ELP3: variants seen among roughly 807,000 people sequenced by gnomAD.
The protein encoded by ELP3 is elongator complex protein 3.
A neutral mutation model predicts 74.9 loss-of-function variants in ELP3; 56 were observed. That is an observed-to-expected ratio of 0.75 (90% CI 0.60 to 0.93). The LOEUF is 0.93. Among genes scored for constraint, ELP3 ranks in the 40% least tolerant of loss-of-function variants. The pLI is 0.00. For missense variants in ELP3, 573 were observed against 686.5 expected, an observed-to-expected ratio of 0.83 and a Z score of 1.85; for synonymous variants, 222 against 239.8, an observed-to-expected ratio of 0.93 and a Z score of 0.68.
At position 28,130,201 on chromosome 8, in the gene ELP3, C is replaced by T. The variant is rs146405816; in HGVS notation, c.779+538C>T. On this transcript the variant is annotated intron_variant, in intron 8 of 14. Transcript: ENST00000256398. ...CTTTTAGTTGAAAAGAAAATACCCG[C>T]GAAAGGTTAACTGTATAAGGAACTT... 9.1e-4 allele frequency among the ~76,000 whole-genome samples: 139 copies of T among 152,156 alleles called. 2 individuals are homozygous for T. The East Asian group carries it at 0.025, about 27-fold the overall frequency.
chr8:28,128,138 T>A (rs1029499399), intron 7 of ELP3, among the ~76,000 whole-genome samples: 1 of 152,128 alleles, frequency 6.6e-6, no homozygotes, highest in Non-Finnish European at 1.5e-5. Flanking sequence ...ATTGAGAACA[T>A]TGTAGAAGGG....
At chr8:28,170,161 CAG>C (rs1033531098) in intron 14 of ELP3, among the ~76,000 whole-genome samples, 3 of 152,176 alleles carry the variant, frequency 2.0e-5, no homozygotes, top group Non-Finnish European at 4.4e-5. Flanking sequence ...TTCTGTTGGT[CAG>C]AGTCACTGGG....
intron 14 of ELP3, among the ~76,000 whole-genome samples, chr8:28,163,575 G>A (rs895033204): frequency 1.0e-5 from 1 of 98,844 alleles, no homozygotes. Context: ...TTTTTTTTCT[G>A]TTATCTTTCA....
At chr8:28,110,669 G>GT (rs956145382) in intron 6 of ELP3, 125 of 393,170 alleles carry the variant, frequency 3.2e-4, no homozygotes, top group Non-Finnish European at 5.4e-5. Context: ...TATTCTCTAA[G>GT]TTTTTTTGAA....
intron 7 of ELP3, among the ~76,000 whole-genome samples, chr8:28,127,137 G>A (rs1352931581): frequency 3.3e-5 from 5 of 152,204 alleles, no homozygotes; most frequent in African/African-American, 1.2e-4. Flanking sequence ...TTGAGAATAA[G>A]GTTTCCTTCT....
chr8:28,182,043 T>C (rs1223205409), intron 14 of ELP3, among the ~76,000 whole-genome samples: 1 of 152,202 alleles, frequency 6.6e-6, no homozygotes, highest in Non-Finnish European at 1.5e-5. Flanking sequence ...TGATTTGTGA[T>C]TTATTTTCCC....
At chr8:28,152,584 T>C (rs1025551877) in intron 10 of ELP3, among the ~76,000 whole-genome samples, 2 of 152,174 alleles carry the variant, frequency 1.3e-5, no homozygotes, top group Non-Finnish European at 2.9e-5. Flanking sequence ...GGCAGGTGGA[T>C]CACCTGAGGT....
At chr8:28,149,908 T>C (rs1391397793) in intron 10 of ELP3, among the ~76,000 whole-genome samples, 3 of 152,222 alleles carry the variant, frequency 2.0e-5, no homozygotes, top group African/African-American at 7.2e-5. Context: ...TTATGTATTA[T>C]TCCATTTTCT....
chr8:28,099,996 A>T, intron 3 of ELP3, 30 bp downstream of exon 3: 1 of 1,613,854 alleles, frequency 6.2e-7, no homozygotes, highest in Non-Finnish European at 8.5e-7. Context: ...AGGTATCGAC[A>T]CACTGGGTAT....
In ELP3 at chr8:28,107,163, G is replaced by A. The variant is rs144207400; in HGVS notation, c.329+380G>A. 4.1e-4 allele frequency among the ~76,000 whole-genome samples: 63 copies of A among 152,292 alleles called. 2 individuals are homozygous for A. In the East Asian group the frequency reaches 0.01, roughly 24 times the overall value. On this transcript the variant is annotated intron_variant, in intron 4 of 14. Coordinates refer to ENST00000256398, the MANE Select transcript of ELP3 (RefSeq NM_018091.6). ...CTTAGGAGGCTGAGGCAGGAGAATC[G>A]TTTAAACCTGGGAGGTGGAGGTTGC... is the stretch of plus-strand genomic sequence containing the variant.
chr8:28,137,387 T>C (rs978551615), intron 9 of ELP3, among the ~76,000 whole-genome samples: 2 of 152,130 alleles, frequency 1.3e-5, no homozygotes, highest in Non-Finnish European at 2.9e-5. Flanking sequence ...ATTGATGAAC[T>C]TTCCAGGCAA....
chr8:28,097,951 T>A (rs1811319534), intron 2 of ELP3, among the ~76,000 whole-genome samples: 1 of 152,182 alleles, frequency 6.6e-6, no homozygotes, highest in Non-Finnish European at 1.5e-5. Context: ...GGATTTGGAA[T>A]TAGGTCAGCC....
chr8:28,101,184 G>A (rs1176753288), intron 3 of ELP3, among the ~76,000 whole-genome samples: 7 of 151,942 alleles, frequency 4.6e-5, no homozygotes, highest in African/African-American at 1.5e-4. Context: ...TTGGGAGGCC[G>A]AGGTGGGCCG....
chr8:28,152,883 C>T (rs1813695779), intron 10 of ELP3, among the ~76,000 whole-genome samples: 1 of 152,180 alleles, frequency 6.6e-6, no homozygotes, highest in South Asian at 2.1e-4. Context: ...AGTTTTAGCT[C>T]TTACTGCATT....
At chr8:28,119,716 A>G (rs544122621) in intron 7 of ELP3, among the ~76,000 whole-genome samples, 1 of 150,818 alleles carries the variant, frequency 6.6e-6, no homozygotes, top group Non-Finnish European at 1.5e-5. Context: ...ACAGAATGTC[A>G]CCGTCATCCC....
In ELP3 at chr8:28,164,342, T is replaced by C. The variant is rs148802128; in HGVS notation, c.1567+2264T>C. Among the ~76,000 whole-genome samples, 4 of 152,314 alleles carry C rather than the reference T, an allele frequency of 2.6e-5. No homozygotes were observed. The East Asian group carries it at 7.7e-4, about 29-fold the overall frequency. On this transcript the variant is annotated intron_variant, in intron 14 of 14. Transcript: ENST00000256398. ...TTTTTATCATAATCTAAATAATAGC[T>C]CAATTTCAGATCATCTGCATGTAGA...
intron 5 of ELP3, among the ~76,000 whole-genome samples, chr8:28,110,052 G>T (rs1456908739): frequency 6.6e-6 from 1 of 152,124 alleles, no homozygotes; most frequent in Non-Finnish European, 1.5e-5. Context: ...ATATGATTCT[G>T]GTATATGTAT....
At chr8:28,173,827 T>C (rs1814632517) in intron 14 of ELP3, among the ~76,000 whole-genome samples, 1 of 152,022 alleles carries the variant, frequency 6.6e-6, no homozygotes, top group South Asian at 2.1e-4. Context: ...GCTGAAGGTG[T>C]TTTCCAATTT....
chr8:28,125,139 C>T (rs368109277), intron 7 of ELP3, among the ~76,000 whole-genome samples: 1 of 152,172 alleles, frequency 6.6e-6, no homozygotes, highest in African/African-American at 2.4e-5. Flanking sequence ...CAAGGAGTTA[C>T]ACCAATAACT....
Sources: gnomAD v4.1 joint callset for allele counts (sites outside exome capture counted in the v4.1 genomes callset) on GRCh38, gnomAD v4.1.1 for gene constraint, MANE v1.5 for transcripts, NCBI Gene and HGNC (gene_info 2026-07-23, HGNC 2026-07-21) for gene names.